Variants in FAXC observed in about 807,000 individuals in gnomAD.
FAXC encodes the protein failed axon connections homolog, metaxin like GST domain containing.
A neutral mutation model predicts 41.9 loss-of-function variants in FAXC; 10 were observed. The ratio of observed to expected loss-of-function variants is 0.24; its 90% CI spans 0.15 to 0.41. The LOEUF (loss-of-function observed/expected upper bound fraction) is 0.41, where lower values mean the gene tolerates loss of function less well. Ranked by LOEUF, FAXC falls within the 10% of genes least tolerant of loss-of-function variation. FAXC has a pLI of 1.00. For missense variants in FAXC, 399 were observed against 510.9 expected, an observed-to-expected ratio of 0.78 and a Z score of 2.11; for synonymous variants, 183 against 183.8, an observed-to-expected ratio of 1.00 and a Z score of 0.03.
intron 2 of FAXC, among the ~76,000 whole-genome samples, chr6:99,336,744 T>A (rs1221573653): frequency 6.6e-6 from 1 of 152,114 alleles, no homozygotes; most frequent in Non-Finnish European, 1.5e-5. Flanking sequence ...TCCTCATCTG[T>A]AGAGTGGGGA....
chr6:99,290,101 C>CACA (rs1771176240), intron 5 of FAXC, among the ~76,000 whole-genome samples: 10 of 142,482 alleles, frequency 7.0e-5, no homozygotes, highest in Middle Eastern at 3.4e-3. Context: ...CCCTACCCCA[C>CACA]CACACACACA....
rs751579323 is a variant in FAXC at position 99,291,692 on chromosome 6, T to C, written c.940+12A>G. ...GTAAGCCCCAAAACCTGAAGAAGAG[T>C]GTAGGGCTTGCCTTTGATCAGCCGT... On this transcript the variant is annotated intron_variant, in intron 5 of 5. Coordinates refer to ENST00000389677, the MANE Select transcript of FAXC (RefSeq NM_032511.4). The C allele has an allele frequency of 4.6e-4, 738 of 1,595,706 alleles. 1 individual carries two copies. Among genetic ancestry groups the C allele is most frequent in the Non-Finnish European group, 6.1e-4 (716 of 1,164,564 alleles).
intron 4 of FAXC, among the ~76,000 whole-genome samples, chr6:99,317,216 C>A (rs747240200): frequency 4.6e-5 from 7 of 151,982 alleles, no homozygotes; most frequent in Non-Finnish European, 1.0e-4. Flanking sequence ...CCATTTACCA[C>A]TTCGCTCTTT....
In FAXC at chr6:99,277,933, A is replaced by G. The variant is rs1381653052; in HGVS notation, c.*3231T>C. ...CACAGCTATACATTTCTATGACTCTACATTATCTCTCAAACAAATCTAAGC... is the reference window on the plus strand; with the variant it reads ...CACAGCTATACATTTCTATGACTCTGCATTATCTCTCAAACAAATCTAAGC... On this transcript the variant is annotated 3_prime_UTR_variant, in exon 6 of 6. Coordinates refer to ENST00000389677, the MANE Select transcript of FAXC (RefSeq NM_032511.4). 6.6e-6 allele frequency: 1 copy of G among 152,220 alleles called. No individual in the cohort carries two copies. Among genetic ancestry groups the G allele is most frequent in the Admixed American group, 6.5e-5 (1 of 15,284 alleles). The allele number at this position is 152,220 out of a possible 1,614,324, so 9.4% of individuals were successfully genotyped here.
intron 1 of FAXC, among the ~76,000 whole-genome samples, chr6:99,347,003 T>C (rs1324607736): frequency 6.6e-6 from 1 of 152,146 alleles, no homozygotes; most frequent in African/African-American, 2.4e-5. Flanking sequence ...GGCTCACACC[T>C]ATAAACCCAA....
At chr6:99,315,623 GA>G (rs1161363750) in intron 4 of FAXC, among the ~76,000 whole-genome samples, 1 of 152,182 alleles carries the variant, frequency 6.6e-6, no homozygotes, top group African/African-American at 2.4e-5. Flanking sequence ...TCTAACAACA[GA>G]AAAGTGGCTG....
chr6:99,295,047 C>T (rs949473166), intron 4 of FAXC, among the ~76,000 whole-genome samples: 1 of 152,114 alleles, frequency 6.6e-6, no homozygotes, highest in Non-Finnish European at 1.5e-5. Context: ...TATGGAAGAG[C>T]AGGAGGGCTG....
intron 1 of FAXC, among the ~76,000 whole-genome samples, 155 bp from the exon 2 acceptor site, chr6:99,343,188 G>A (rs750809047): frequency 6.6e-6 from 1 of 152,098 alleles, no homozygotes; most frequent in East Asian, 1.9e-4. Flanking sequence ...CCAGTTTGTC[G>A]AAGGGGCTTA....
chr6:99,347,551 C>G (rs933045030), intron 1 of FAXC, among the ~76,000 whole-genome samples: 1 of 152,180 alleles, frequency 6.6e-6, no homozygotes, highest in Non-Finnish European at 1.5e-5. Flanking sequence ...TCTCCAGTGA[C>G]AACACCTGCC....
At chr6:99,339,848 T>G (rs1046939096) in intron 2 of FAXC, among the ~76,000 whole-genome samples, 1 of 151,396 alleles carries the variant, frequency 6.6e-6, no homozygotes, top group Non-Finnish European at 1.5e-5. Flanking sequence ...ATCTGGATAA[T>G]AGGGAACAAG....
At chr6:99,288,773 A>G (rs1771115603) in intron 5 of FAXC, among the ~76,000 whole-genome samples, 2 of 151,910 alleles carry the variant, frequency 1.3e-5, no homozygotes, top group Admixed American at 6.6e-5. Flanking sequence ...CTCTGTCCCC[A>G]CCAATAAGAG....
intron 4 of FAXC, among the ~76,000 whole-genome samples, chr6:99,304,662 T>C (rs886264774): frequency 7.9e-5 from 12 of 152,220 alleles, no homozygotes; most frequent in African/African-American, 2.4e-4. Context: ...CTTGGGAAGT[T>C]AGTATCCATT....
intron 5 of FAXC, among the ~76,000 whole-genome samples, chr6:99,282,976 A>G (rs1428570945): frequency 1.3e-5 from 2 of 152,202 alleles, no homozygotes; most frequent in African/African-American, 4.8e-5. Flanking sequence ...CCACTTAACA[A>G]CGTATAATAA....
chr6:99,297,098 G>T (rs914884773), intron 4 of FAXC, among the ~76,000 whole-genome samples: 1 of 152,186 alleles, frequency 6.6e-6, no homozygotes, highest in African/African-American at 2.4e-5. Context: ...ATGGATCATT[G>T]GTTATAAGCC....
intron 1 of FAXC, among the ~76,000 whole-genome samples, chr6:99,346,177 C>T (rs1269441372): frequency 6.6e-6 from 1 of 152,132 alleles, no homozygotes; most frequent in Non-Finnish European, 1.5e-5. Context: ...ACTATTGAAA[C>T]CTAGATTTCA....
intron 2 of FAXC, among the ~76,000 whole-genome samples, chr6:99,341,122 G>C (rs549553001): frequency 6.6e-6 from 1 of 152,124 alleles, no homozygotes; most frequent in Non-Finnish European, 1.5e-5. Context: ...AAATTAATAA[G>C]CATAAACACA....
chr6:99,332,914 T>C (rs1013735751), intron 3 of FAXC, among the ~76,000 whole-genome samples: 1 of 152,198 alleles, frequency 6.6e-6, no homozygotes, highest in Non-Finnish European at 1.5e-5. Context: ...CATCAAATTA[T>C]AGTCCACAGG....
At position 99,282,238 on chromosome 6, in the gene FAXC, G is replaced by A. The variant is rs115916377; in HGVS notation, c.941-785C>T. On this transcript the variant is annotated intron_variant, in intron 5 of 5. Transcript: ENST00000389677. ...ATTAATTTATATTCCATAAAAATAC[G>A]TCAAACTGTTGGTTGCATTAAGTCA... Among the ~76,000 whole-genome samples, 926 of 152,148 alleles carry A rather than the reference G, an allele frequency of 6.1e-3. 13 individuals carry two copies. Among genetic ancestry groups the A allele is most frequent in the African/African-American group, 0.021 (878 of 41,502 alleles).
At chr6:99,313,138 C>G (rs1198542895) in intron 4 of FAXC, among the ~76,000 whole-genome samples, 1 of 152,028 alleles carries the variant, frequency 6.6e-6, no homozygotes, top group Non-Finnish European at 1.5e-5. Context: ...ACAAAAAATA[C>G]AAAAATTAGC....
Sources: allele counts gnomAD v4.1 joint callset (sites outside exome capture counted in the v4.1 genomes callset), GRCh38; gene constraint gnomAD v4.1.1; transcripts MANE v1.5; gene names NCBI Gene and HGNC (gene_info 2026-07-23, HGNC 2026-07-21).